ITGB6: variants seen among roughly 807,000 people sequenced by gnomAD.
The protein encoded by ITGB6 is integrin beta-6.
In ITGB6, 80 loss-of-function variants were observed where a neutral mutation model predicts 84.5. The ratio of observed to expected loss-of-function variants is 0.95; its 90% CI spans 0.79 to 1.14. The LOEUF is 1.14. Ranked by LOEUF, ITGB6 falls within the 50% of genes most tolerant of loss-of-function variation. The pLI, the probability that ITGB6 is intolerant of heterozygous loss-of-function variation, is 0.00. For synonymous variants in ITGB6, 383 were observed against 354.9 expected (o/e 1.08, Z -0.89); for missense variants, 1,006 against 968.0 (o/e 1.04, Z -0.52).
At chr2:160,149,238 C>T (rs553462290) in intron 7 of ITGB6, among the ~76,000 whole-genome samples, 17 of 151,718 alleles carry the variant, frequency 1.1e-4, no homozygotes, top group Non-Finnish European at 2.2e-4. Flanking sequence ...CCCTCTGGGA[C>T]AGAGCTTCCA....
At chr2:160,108,700 T>C (rs970535781) in intron 13 of ITGB6, among the ~76,000 whole-genome samples, 1 of 152,246 alleles carries the variant, frequency 6.6e-6, no homozygotes, top group African/African-American at 2.4e-5. Context: ...TGTTATTAAA[T>C]ATTCTAAATT....
At chr2:160,182,264 G>A (rs1477464338) in intron 4 of ITGB6, among the ~76,000 whole-genome samples, 1 of 152,172 alleles carries the variant, frequency 6.6e-6, no homozygotes, top group African/African-American at 2.4e-5. Flanking sequence ...TAGAGGAATT[G>A]CTAACCAGAA....
intron 7 of ITGB6, among the ~76,000 whole-genome samples, chr2:160,149,606 T>C (rs1684334219): frequency 6.6e-6 from 1 of 152,130 alleles, no homozygotes; most frequent in South Asian, 2.1e-4. Context: ...GAGAATCACT[T>C]TGACAAGTTG....
chr2:160,119,327 A>G (rs952971479), intron 12 of ITGB6, among the ~76,000 whole-genome samples: 25 of 152,330 alleles, frequency 1.6e-4, no homozygotes, highest in African/African-American at 5.8e-4. Context: ...GATATAGATC[A>G]ATGGGATAGA....
intron 10 of ITGB6, among the ~76,000 whole-genome samples, chr2:160,133,652 G>C (rs1193311603): frequency 3.9e-5 from 6 of 152,098 alleles, no homozygotes; most frequent in Non-Finnish European, 7.4e-5. Context: ...CACATAGTGG[G>C]AAGTAAAGCA....
At chr2:160,141,833 T>G in intron 8 of ITGB6, 149 bp downstream of exon 8, 1 of 537,456 alleles carries the variant, frequency 1.9e-6, no homozygotes, top group Non-Finnish European at 3.3e-6. Flanking sequence ...ATGAACAAAA[T>G]TTATATTTTG....
chr2:160,191,221 G>A (rs1206886910), intron 4 of ITGB6, among the ~76,000 whole-genome samples: 2 of 152,124 alleles, frequency 1.3e-5, no homozygotes, highest in Non-Finnish European at 2.9e-5. Context: ...GAGGGTATAA[G>A]TCTTTATAAC....
At chr2:160,164,999 C>T (rs1684952388) in intron 7 of ITGB6, among the ~76,000 whole-genome samples, 1 of 152,144 alleles carries the variant, frequency 6.6e-6, no homozygotes, top group South Asian at 2.1e-4. Context: ...AGGCAGCTGG[C>T]CCTCCTCAGT....
intron 7 of ITGB6, among the ~76,000 whole-genome samples, chr2:160,147,371 A>C (rs984051256): frequency 1.3e-5 from 2 of 152,222 alleles, no homozygotes; most frequent in Admixed American, 1.3e-4. Context: ...AGCACTACCC[A>C]TAAAGGAAAA....
At chr2:160,150,716 C>A (rs986839551) in intron 7 of ITGB6, among the ~76,000 whole-genome samples, 2 of 151,994 alleles carry the variant, frequency 1.3e-5, no homozygotes, top group Admixed American at 1.3e-4. Context: ...ACACATTTCA[C>A]GTGCAAAGAT....
chr2:160,166,012 A>G lies in ITGB6; in HGVS notation c.1017+3200T>C, dbSNP rs1684987307. Among the ~76,000 whole-genome samples the G allele has an allele frequency of 3.3e-5, 5 of 152,242 alleles. No individual in the cohort carries two copies. In the South Asian group the frequency reaches 1.0e-3, roughly 32 times the overall value. ...GTTATTGCAATTTTTAAATCATTTG[A>G]CAAATATCTACTGAGAATCTACTGT... On this transcript the variant is annotated intron_variant, in intron 7 of 14. Coordinates refer to ENST00000283249, the MANE Select transcript of ITGB6 (RefSeq NM_000888.5).
At chr2:160,118,757 TA>T (rs1682894696) in intron 12 of ITGB6, among the ~76,000 whole-genome samples, 1 of 151,046 alleles carries the variant, frequency 6.6e-6, no homozygotes, top group Non-Finnish European at 1.5e-5. Flanking sequence ...ATTGTATATC[TA>T]GAAAACCCCA....
intron 10 of ITGB6, among the ~76,000 whole-genome samples, chr2:160,132,137 C>T (rs1158700832): frequency 6.6e-6 from 1 of 152,114 alleles, no homozygotes; most frequent in Non-Finnish European, 1.5e-5. Context: ...CCAATATATC[C>T]TCTCTGTGAT....
chr2:160,188,599 T>A (rs1352761706), intron 4 of ITGB6, among the ~76,000 whole-genome samples: 1 of 151,610 alleles, frequency 6.6e-6, no homozygotes, highest in Non-Finnish European at 1.5e-5. Flanking sequence ...CGTTAACTCA[T>A]TCAATTCTTT....
At chr2:160,110,547 C>T (rs947832343) in intron 13 of ITGB6, among the ~76,000 whole-genome samples, 14 of 152,300 alleles carry the variant, frequency 9.2e-5, no homozygotes, top group South Asian at 4.1e-4. Flanking sequence ...GAAGCCTTCC[C>T]GCCTATCATT....
intron 7 of ITGB6, among the ~76,000 whole-genome samples, chr2:160,156,284 G>A (rs1684620120): frequency 6.6e-6 from 1 of 152,104 alleles, no homozygotes; most frequent in African/African-American, 2.4e-5. Context: ...AGACCCAGCA[G>A]ACTCCTTGGC....
chr2:160,143,884 G>T (rs1020739238), intron 7 of ITGB6, among the ~76,000 whole-genome samples: 1 of 152,188 alleles, frequency 6.6e-6, no homozygotes, highest in African/African-American at 2.4e-5. Flanking sequence ...GCACTTGCTA[G>T]AAGTGGGTCC....
chr2:160,122,688 C>G (rs1683090968), intron 12 of ITGB6, among the ~76,000 whole-genome samples: 1 of 152,140 alleles, frequency 6.6e-6, no homozygotes, highest in African/African-American at 2.4e-5. Flanking sequence ...ACAAGAAAAG[C>G]ATTGGTGAGG....
chr2:160,115,802 C>T (rs1248284363), intron 12 of ITGB6, among the ~76,000 whole-genome samples: 1 of 152,126 alleles, frequency 6.6e-6, no homozygotes, highest in African/African-American at 2.4e-5. Context: ...ATAATCAACG[C>T]AGAGAAGTCC....
Sources: gnomAD v4.1 joint callset for allele counts (sites outside exome capture counted in the v4.1 genomes callset) on GRCh38, gnomAD v4.1.1 for gene constraint, MANE v1.5 for transcripts, NCBI Gene and HGNC (gene_info 2026-07-23, HGNC 2026-07-21) for gene names.